Variants in BLACAT1 observed in about 807,000 individuals in gnomAD.
BLACAT1 encodes the protein BLACAT1 overlapping LEMD1 locus.
rs547316722 is a variant in BLACAT1, at chr1:205,450,787, C to T, written c.-37+5130G>A. 5.3e-5 allele frequency among the ~76,000 whole-genome samples: 8 copies of T among 152,316 alleles called. No individual in the cohort carries two copies. The South Asian group carries it at 1.7e-3, about 32-fold the overall frequency. On this transcript the variant is annotated intron_variant, in intron 1 of 1. Coordinates refer to ENST00000629624, the Ensembl canonical transcript of BLACAT1. The surrounding 1 kb of genome is among the most constrained non-coding windows in gnomAD (Gnocchi z 4.4). ...GTGTGTCTGGGCCAGAGGGACTGGG[C>T]TGGGGATGGAGGTGGGGACAGCCAT...
At position 205,447,271 on chromosome 1, in the gene BLACAT1, C is replaced by T. The variant is rs114107426; in HGVS notation, c.-36-6209G>A. ...ATAAGTTAAATAGGCTAACAGTAGA[C>T]AGGACTGTCTTGAGGATGAAATGGG... On this transcript the variant is annotated intron_variant, in intron 1 of 1. Transcript: ENST00000629624. Among the ~76,000 whole-genome samples the T allele has an allele frequency of 4.9e-3, 749 of 152,306 alleles. 6 individuals are homozygous for T. Among genetic ancestry groups the T allele is most frequent in the African/African-American group, 0.017 (715 of 41,558 alleles).
At chr1:205,455,729 C>A (rs1380555091) in intron 1 of BLACAT1, among the ~76,000 whole-genome samples, 188 bp downstream of exon 1, 6 of 152,092 alleles carry the variant, frequency 3.9e-5, no homozygotes, top group African/African-American at 1.4e-4. Context: ...TGACGCAGCC[C>A]GCCGCCGGTC....
At chr1:205,454,066 A>G (rs1157999796) in intron 1 of BLACAT1, among the ~76,000 whole-genome samples, 3 of 152,096 alleles carry the variant, frequency 2.0e-5, no homozygotes, top group Non-Finnish European at 4.4e-5. Flanking sequence ...CTCTTGGAGG[A>G]GGAGGCAGAC....
At chr1:205,445,374 T>C (rs533895776) in intron 1 of BLACAT1, among the ~76,000 whole-genome samples, 11 of 152,290 alleles carry the variant, frequency 7.2e-5, no homozygotes, top group East Asian at 5.8e-4. Context: ...CCAGCAAAAC[T>C]GGGCACAGAC....
At chr1:205,439,200 G>C (rs1266675612), downstream of BLACAT1, among the ~76,000 whole-genome samples, 2 of 152,198 alleles carry the variant, frequency 1.3e-5, no homozygotes, top group Non-Finnish European at 2.9e-5. Context: ...AAAGAACCAG[G>C]GAGTTTTTCT....
intron 1 of BLACAT1, among the ~76,000 whole-genome samples, chr1:205,443,397 T>TG (rs35651957): frequency 0.76 from 115,995 of 151,940 alleles, 45,116 homozygotes; most frequent in East Asian, 0.99. Context: ...CAGGGTCCTT[T>TG]GGGGAATTTA....
In BLACAT1 at chr1:205,448,702, C is replaced by G. The variant is rs937495049; in HGVS notation, c.-37+7215G>C. Among the ~76,000 whole-genome samples, 1 of 152,154 alleles carries G rather than the reference C, an allele frequency of 6.6e-6. No individual in the cohort carries two copies. Among genetic ancestry groups the G allele is most frequent in the African/African-American group, 2.4e-5 (1 of 41,436 alleles). On this transcript the variant is annotated intron_variant, in intron 1 of 1. Coordinates refer to ENST00000629624, the Ensembl canonical transcript of BLACAT1. The surrounding 1 kb of genome is among the most constrained non-coding windows in gnomAD (Gnocchi z 4.7). ...AATTCCCTTAATTAGCTTCCAGCCC[C>G]CTGCCCAGGGTCCTTAACTACCCCT...
chr1:205,445,180 C>G (rs1475921383), intron 1 of BLACAT1, among the ~76,000 whole-genome samples: 1 of 152,114 alleles, frequency 6.6e-6, no homozygotes, highest in Non-Finnish European at 1.5e-5. Flanking sequence ...TTTCTCTCCC[C>G]ACCTCCTCCC....
chr1:205,454,995 G>A (rs1013430479), intron 1 of BLACAT1, among the ~76,000 whole-genome samples: 13 of 152,192 alleles, frequency 8.5e-5, no homozygotes. Flanking sequence ...GGAAGGGAGG[G>A]CTCTCCCTTG....
chr1:205,449,336 G>A (rs954706015), intron 1 of BLACAT1, among the ~76,000 whole-genome samples: 68 of 151,974 alleles, frequency 4.5e-4, no homozygotes, highest in African/African-American at 1.6e-3. Context: ...GGGCTTCTAG[G>A]GCTCCTGCTA....
At chr1:205,453,627 T>C (rs752222925) in intron 1 of BLACAT1, among the ~76,000 whole-genome samples, 4 of 152,032 alleles carry the variant, frequency 2.6e-5, no homozygotes, top group Non-Finnish European at 5.9e-5. Flanking sequence ...TCCCAGGCAA[T>C]GAAGATAGCA....
At chr1:205,440,323 G>A (rs1369610909) in exon 2 of BLACAT1, among the ~76,000 whole-genome samples, 1 of 152,226 alleles carries the variant, frequency 6.6e-6, no homozygotes, top group African/African-American at 2.4e-5. Flanking sequence ...CGGAGCCACT[G>A]GCCACCTCTG....
exon 2 of BLACAT1, chr1:205,440,601 G>A (rs1436081504): frequency 1.3e-5 from 2 of 152,306 alleles, no homozygotes; most frequent in Non-Finnish European, 2.9e-5. Flanking sequence ...AAGCTCTCAG[G>A]GCAGGAAAGA....
intron 1 of BLACAT1, among the ~76,000 whole-genome samples, chr1:205,446,520 G>A (rs1666391896): frequency 6.6e-6 from 1 of 152,246 alleles, no homozygotes; most frequent in African/African-American, 2.4e-5. Context: ...CCTAGGCTGA[G>A]CCCAGTGCTG....
At chr1:205,455,103 G>A (rs1025610634) in intron 1 of BLACAT1, among the ~76,000 whole-genome samples, 3 of 152,140 alleles carry the variant, frequency 2.0e-5, no homozygotes, top group Admixed American at 6.5e-5. Context: ...TCTCAGGAAA[G>A]GGAGCACCTA....
In BLACAT1 at chr1:205,444,952, G is replaced by A. The variant is rs1053183581; in HGVS notation, c.-36-3890C>T. On this transcript the variant is annotated intron_variant, in intron 1 of 1. Coordinates refer to ENST00000629624, the Ensembl canonical transcript of BLACAT1. ...GACCCAGTAAGGAGGGTGTGCCCTCGACGCCTCTAGAACAAAGCTGAGCCC... is the reference window on the plus strand; with the variant it reads ...GACCCAGTAAGGAGGGTGTGCCCTCAACGCCTCTAGAACAAAGCTGAGCCC... 3.4e-5 allele frequency among the ~76,000 whole-genome samples: 5 copies of A among 149,146 alleles called. No individual in the cohort carries two copies. The South Asian group carries it at 1.1e-3, about 32-fold the overall frequency.
chr1:205,448,030 A>C lies in BLACAT1; in HGVS notation c.-36-6968T>G, dbSNP rs941471087. 6.6e-6 allele frequency among the ~76,000 whole-genome samples: 1 copy of C among 152,194 alleles called. No individual in the cohort carries two copies. Among genetic ancestry groups the C allele is most frequent in the East Asian group, 1.9e-4 (1 of 5,170 alleles). ...AGGCCTCAGTAATTTGGCAAGGGGG[A>C]AGGAACCGACTCAGAAAGCTCAGCA... On this transcript the variant is annotated intron_variant, in intron 1 of 1. Transcript: ENST00000629624. This position sits in a 1 kb window ranked among gnomAD's most constrained non-coding sequence, Gnocchi z 4.7.
At chr1:205,453,876 C>A (rs1160222923) in intron 1 of BLACAT1, among the ~76,000 whole-genome samples, 1 of 152,204 alleles carries the variant, frequency 6.6e-6, no homozygotes, top group East Asian at 1.9e-4. Context: ...GGGTCATTGG[C>A]AAACTCACAT....
In BLACAT1 at chr1:205,448,647, G is replaced by A. The variant is rs1413352683; in HGVS notation, c.-37+7270C>T. Reference sequence around the variant, plus strand: ...TCCTCACTCCAGGGTATGAGGAGGGGTGGCTTCCTGGCCATAAAGGACCTC... The same window carrying A: ...TCCTCACTCCAGGGTATGAGGAGGGATGGCTTCCTGGCCATAAAGGACCTC... On this transcript the variant is annotated intron_variant, in intron 1 of 1. Coordinates refer to ENST00000629624, the Ensembl canonical transcript of BLACAT1. The surrounding 1 kb of genome is among the most constrained non-coding windows in gnomAD (Gnocchi z 4.7). Among the ~76,000 whole-genome samples the A allele has an allele frequency of 6.6e-6, 1 of 152,154 alleles. No individual in the cohort carries two copies. The highest frequency in any genetic ancestry group is 1.5e-5 in the Non-Finnish European group (1 of 68,018).
Sources: allele counts gnomAD v4.1 joint callset (sites outside exome capture counted in the v4.1 genomes callset), GRCh38; gene constraint gnomAD v4.1.1; non-coding constraint Gnocchi (gnomAD v3.1); transcripts MANE v1.5; gene names NCBI Gene and HGNC (gene_info 2026-07-23, HGNC 2026-07-21).